CBX3: variants seen among roughly 807,000 people sequenced by gnomAD.
CBX3 encodes chromobox protein homolog 3.
In CBX3, 5 loss-of-function variants were observed where a neutral mutation model predicts 22.6. The observed-to-expected ratio is 0.22, with a 90% CI of 0.12 to 0.47. The LOEUF (loss-of-function observed/expected upper bound fraction) is 0.47. CBX3 is among the 20% of genes least tolerant of loss of function. The probability of loss-of-function intolerance (pLI) is 0.99; values close to 1 mark genes in which losing one functional copy is unlikely to be tolerated. For missense variants in CBX3, 83 were observed against 208.1 expected (o/e 0.40, Z 3.70); for synonymous variants, 50 against 66.6 (o/e 0.75, Z 1.21).
chr7:26,211,095 AAAAT>A (rs925206448), intron 4 of CBX3, among the ~76,000 whole-genome samples: 1 of 152,100 alleles, frequency 6.6e-6, no homozygotes, highest in Non-Finnish European at 1.5e-5. Flanking sequence ...AAAAAAAAAA[AAAAT>A]CGCAAGAAAG....
intron 2 of CBX3, chr7:26,206,128 A>G: frequency 5.0e-6 from 2 of 399,590 alleles, no homozygotes; most frequent in South Asian, 3.5e-5. Context: ...CTGTTTCCAG[A>G]TAGTGTTTTT....
In CBX3 at chr7:26,202,923, C is replaced by CT; in HGVS notation, c.-28-42dup. ...CCAAACAGAATTTGTATTTAGTTACCTTTTTTGTGTCATGCAAACTTACCT... is the reference window on the plus strand; with the variant it reads ...CCAAACAGAATTTGTATTTAGTTACCTTTTTTTGTGTCATGCAAACTTACCT... On this transcript the variant is annotated intron_variant, in intron 1 of 5. Transcript: ENST00000396386. 2.5e-6 allele frequency: 3 copies of CT among 1,221,112 alleles called. No individual in the cohort carries two copies. The South Asian group carries it at 3.6e-5, about 15-fold the overall frequency. The allele number at this position is 1,221,112 out of a possible 1,614,324, so 75.6% of individuals were successfully genotyped here.
chr7:26,202,605 C>G (rs570646658), intron 1 of CBX3: 90 of 220,340 alleles, frequency 4.1e-4, no homozygotes, highest in Non-Finnish European at 7.0e-4. Context: ...CAGTGCTTTA[C>G]CGTTGTGAGT....
intron 3 of CBX3, among the ~76,000 whole-genome samples, chr7:26,206,975 G>A (rs1784689733): frequency 6.6e-6 from 1 of 152,080 alleles, no homozygotes; most frequent in Non-Finnish European, 1.5e-5. Context: ...AAGCTCTCTG[G>A]TTCCTTGTGT....
chr7:26,211,301 C>A (rs913556835), intron 4 of CBX3, among the ~76,000 whole-genome samples: 6 of 152,226 alleles, frequency 3.9e-5, no homozygotes, highest in Non-Finnish European at 1.5e-5. Flanking sequence ...GTCAGTAATT[C>A]AGACTAATTC....
rs1336076933 is a variant in CBX3 at position 26,212,498 on chromosome 7, T to TGG, written c.*294_*295dup. 1.3e-5 allele frequency: 2 copies of TGG among 158,798 alleles called. No homozygotes were observed. The highest frequency in any genetic ancestry group is 2.8e-5 in the Non-Finnish European group (2 of 72,412). The allele number at this position is 158,798 out of a possible 1,614,324, so 9.8% of individuals were successfully genotyped here. A position where few individuals can be genotyped will look rare whatever the true frequency, so the allele number is the denominator to read the frequency against. Reference sequence around the variant, plus strand: ...ATTAAAGAACAGCTTTTCTAAATGTTGGGGGAAATGTCCATAGTCATTACT... The same window carrying TGG: ...ATTAAAGAACAGCTTTTCTAAATGTTGGGGGGGAAATGTCCATAGTCATTACT... On this transcript the variant is annotated 3_prime_UTR_variant, in exon 6 of 6. Coordinates refer to ENST00000396386, the MANE Select transcript of CBX3 (RefSeq NM_016587.4).
chr7:26,212,240 AT>A lies in CBX3; in HGVS notation c.*33del. 2.6e-6 allele frequency: 3 copies of A among 1,134,546 alleles called. No homozygotes were observed. Among genetic ancestry groups the A allele is most frequent in the South Asian group, 3.8e-5 (1 of 26,504 alleles). The allele number at this position is 1,134,546 out of a possible 1,614,324, so 70.3% of individuals were successfully genotyped here. A position where few individuals can be genotyped will look rare whatever the true frequency, so the allele number is the denominator to read the frequency against. On this transcript the variant is annotated 3_prime_UTR_variant, in exon 6 of 6. Coordinates refer to ENST00000396386, the MANE Select transcript of CBX3 (RefSeq NM_016587.4). ...ACATTGTTCTTTTATATATATTTAT[AT>A]ATATATATAAAAATTGGGTCTTAGA...
chr7:26,210,584 T>C (rs957123619), intron 4 of CBX3: 6 of 152,218 alleles, frequency 3.9e-5, no homozygotes, highest in African/African-American at 1.4e-4. Context: ...ATTGATATCA[T>C]TGGTTCTCAA....
At chr7:26,206,688 C>T (rs552127686) in intron 3 of CBX3, among the ~76,000 whole-genome samples, 178 bp downstream of exon 3, 2 of 152,286 alleles carry the variant, frequency 1.3e-5, no homozygotes, top group South Asian at 4.2e-4. Flanking sequence ...CTTTATTGTA[C>T]AGTTGAAGGT....
chr7:26,205,492 C>T (rs1784655570), intron 2 of CBX3, among the ~76,000 whole-genome samples: 1 of 152,156 alleles, frequency 6.6e-6, no homozygotes, highest in Non-Finnish European at 1.5e-5. Flanking sequence ...ATAATCTTGT[C>T]CTTTAATTGA....
chr7:26,206,478 G>A lies in CBX3; in HGVS notation c.135G>A (p.Val45=). The A allele has an allele frequency of 6.2e-7, 1 of 1,613,958 alleles. No homozygotes were observed. The highest frequency in any genetic ancestry group is 1.7e-4 in the Middle Eastern group (1 of 6,058). Residue 45 remains valine, a synonymous_variant, in exon 3 of 6, where the codon GTG becomes GTA. Transcript: ENST00000396386. ...VLDRRVVNGK[V]EYFLKWKGFT... ...ATCGACGTGTAGTGAATGGGAAAGT[G>A]GAATATTTCCTGAAGTGGAAGGGAT...
intron 2 of CBX3, 135 bp from the exon 3 acceptor site, chr7:26,206,233 C>T (rs1784672789): frequency 6.6e-6 from 4 of 602,318 alleles, no homozygotes; most frequent in African/African-American, 1.9e-5. Flanking sequence ...TTTAATCTTT[C>T]CAGAAGGTGT....
chr7:26,211,712 T>A lies in CBX3; in HGVS notation c.381T>A (p.Ile127=), dbSNP rs1366359584. The A allele has an allele frequency of 1.2e-6, 2 of 1,611,008 alleles. No homozygotes were observed. Among genetic ancestry groups the A allele is most frequent in the Admixed American group, 3.4e-5 (2 of 59,486 alleles). Residue 127 remains isoleucine, a synonymous_variant, in exon 5 of 6, where the codon ATT becomes ATA. Transcript: ENST00000396386. ...FARGLDPERI[I]GATDSSGELM... ...GAGGTCTTGATCCTGAAAGAATAAT[T>A]GGTGCCACAGACAGCAGTGGAGAAT...
At chr7:26,206,818 A>C (rs1784686641) in intron 3 of CBX3, among the ~76,000 whole-genome samples, 1 of 152,212 alleles carries the variant, frequency 6.6e-6, no homozygotes, top group East Asian at 1.9e-4. Context: ...AATAATCTGC[A>C]TTATTTTCCT....
At chr7:26,209,968 G>A (rs1462224143) in intron 4 of CBX3, 2 of 152,092 alleles carry the variant, frequency 1.3e-5, no homozygotes, top group African/African-American at 4.8e-5. Flanking sequence ...CTACAAATTT[G>A]GTTTTGAAAA....
chr7:26,211,754 A>G lies in CBX3; in HGVS notation c.423A>G (p.Lys141=), dbSNP rs771008947. The part of the protein sequence containing the change: ...DSSGELMFLM[K]WKDSDEADLV... The stretch of plus-strand genomic sequence containing the variant: ...GTGGAGAATTGATGTTTCTCATGAA[A>G]TGGTGAGTATGCAGAGATTGTTACA... The change falls in exon 5 of 6, where the codon AAA becomes AAG. Residue 141 remains lysine, a splice_region_variant and synonymous_variant. Transcript: ENST00000396386. The G allele has an allele frequency of 5.0e-6, 8 of 1,592,958 alleles. No homozygotes were observed. The highest frequency in any genetic ancestry group is 6.9e-6 in the Non-Finnish European group (8 of 1,165,332).
At chr7:26,202,940 A>T (rs1784583318) in intron 1 of CBX3, 31 bp from the exon 2 acceptor site, 1 of 1,419,640 alleles carries the variant, frequency 7.0e-7, no homozygotes, top group African/African-American at 1.4e-5. Context: ...GTGTCATGCA[A>T]ACTTACCTTA....
At chr7:26,203,793 T>G (rs1784607543) in intron 2 of CBX3, among the ~76,000 whole-genome samples, 1 of 152,224 alleles carries the variant, frequency 6.6e-6, no homozygotes, top group Admixed American at 6.5e-5. Flanking sequence ...TTGGCTTGTA[T>G]GTGCTCTCTC....
chr7:26,204,850 C>A (rs934467638), intron 2 of CBX3, among the ~76,000 whole-genome samples: 2 of 152,136 alleles, frequency 1.3e-5, no homozygotes, highest in African/African-American at 4.8e-5. Flanking sequence ...AGTGCAATGG[C>A]GTGATCTTGG....
Sources: gnomAD v4.1 joint callset for allele counts (sites outside exome capture counted in the v4.1 genomes callset) on GRCh38, gnomAD v4.1.1 for gene constraint, MANE v1.5 for transcripts, NCBI Gene and HGNC (gene_info 2026-07-23, HGNC 2026-07-21) for gene names.